OXR1: variants seen among roughly 807,000 people sequenced by gnomAD.
OXR1 encodes oxidation resistance 1.
OXR1 carries 41 observed loss-of-function variants against 104.6 expected under a neutral mutation model. The observed-to-expected ratio is 0.39, with a 90% CI of 0.31 to 0.51. OXR1 has a LOEUF of 0.51. Among genes scored for constraint, OXR1 ranks in the 20% least tolerant of loss-of-function variants. The pLI is 0.77. For missense variants in OXR1, 955 were observed against 1,031.9 expected, an observed-to-expected ratio of 0.93 and a Z score of 1.02; for synonymous variants, 348 against 348.4, an observed-to-expected ratio of 1.00 and a Z score of 0.01.
At chr8:106,398,863 T>C (rs1346589619) in intron 2 of OXR1, among the ~76,000 whole-genome samples, 1 of 152,166 alleles carries the variant, frequency 6.6e-6, no homozygotes, top group African/African-American at 2.4e-5. Context: ...TTCTTTCTGC[T>C]GATAAATCAC....
At chr8:106,667,742 T>C (rs1379148125) in intron 3 of OXR1, among the ~76,000 whole-genome samples, 1 of 152,132 alleles carries the variant, frequency 6.6e-6, no homozygotes, top group African/African-American at 2.4e-5. Context: ...AAGTCATATG[T>C]TGCAAATACT....
chr8:106,281,147 A>G (rs1317530472), intron 1 of OXR1, among the ~76,000 whole-genome samples: 5 of 152,152 alleles, frequency 3.3e-5, no homozygotes, highest in South Asian at 2.1e-4. Context: ...TGCAAGCCAT[A>G]TAGAGCATAG....
chr8:106,484,692 C>G (rs1822341474), intron 2 of OXR1, among the ~76,000 whole-genome samples: 1 of 151,894 alleles, frequency 6.6e-6, no homozygotes, highest in African/African-American at 2.4e-5. Context: ...GGATGTGTGA[C>G]AACAGGAACT....
intron 1 of OXR1, among the ~76,000 whole-genome samples, chr8:106,319,198 G>A (rs1214428125): frequency 6.6e-6 from 1 of 152,114 alleles, no homozygotes; most frequent in Non-Finnish European, 1.5e-5. Context: ...AAGTAATTTC[G>A]GGTTGGTGTC....
intron 3 of OXR1, among the ~76,000 whole-genome samples, chr8:106,659,027 A>G (rs1459013043): frequency 6.6e-6 from 1 of 152,268 alleles, no homozygotes; most frequent in African/African-American, 2.4e-5. Flanking sequence ...TTATGAAAAT[A>G]AATGAGCATT....
chr8:106,290,295 A>C (rs1812692601), intron 1 of OXR1, among the ~76,000 whole-genome samples: 1 of 152,186 alleles, frequency 6.6e-6, no homozygotes, highest in African/African-American at 2.4e-5. Flanking sequence ...AAATACGATA[A>C]TTAACTCAAG....
chr8:106,607,639 G>T (rs1431090706), intron 3 of OXR1, among the ~76,000 whole-genome samples: 1 of 152,074 alleles, frequency 6.6e-6, no homozygotes, highest in Non-Finnish European at 1.5e-5. Context: ...CAGCCCTTCT[G>T]CTTAGCATTA....
chr8:106,389,991 G>A (rs555749148), intron 2 of OXR1, among the ~76,000 whole-genome samples: 17 of 152,122 alleles, frequency 1.1e-4, no homozygotes, highest in South Asian at 4.2e-4. Context: ...GCTTGAACCC[G>A]GGAGGTAGAG....
intron 2 of OXR1, among the ~76,000 whole-genome samples, chr8:106,402,003 C>T (rs371062040): frequency 1.3e-4 from 20 of 152,234 alleles, no homozygotes; most frequent in African/African-American, 2.6e-4. Context: ...TAAAAGCAAA[C>T]GGCTTCTGGT....
chr8:106,484,084 T>C (rs193240146), intron 2 of OXR1, among the ~76,000 whole-genome samples: 94 of 152,126 alleles, frequency 6.2e-4, no homozygotes, highest in Middle Eastern at 3.4e-3. Context: ...CTGAACTTTA[T>C]TAAAATAGAA....
intron 1 of OXR1, among the ~76,000 whole-genome samples, chr8:106,352,508 CAT>C (rs1815771099): frequency 6.6e-6 from 1 of 152,180 alleles, no homozygotes; most frequent in African/African-American, 2.4e-5. Flanking sequence ...GATATTATAT[CAT>C]GTGTATAAGG....
chr8:106,526,667 C>T (rs562460780), intron 3 of OXR1, among the ~76,000 whole-genome samples: 3 of 152,274 alleles, frequency 2.0e-5, no homozygotes, highest in Non-Finnish European at 4.4e-5. Context: ...CTCAGCCTCC[C>T]GAGTAGCTGG....
rs370979421 is a variant in OXR1, at chr8:106,743,614, C to G, written c.2412+1297C>G. On this transcript the variant is annotated intron_variant, in intron 15 of 16. Coordinates refer to ENST00000517566, the MANE Select transcript of OXR1 (RefSeq NM_001198533.2). ...GGGATTACAGGCGTGAGCCACCACG[C>G]CCAACTGAAAAAGGAATGTTTTTAC... Among the ~76,000 whole-genome samples, 13 of 152,262 alleles carry G rather than the reference C, an allele frequency of 8.5e-5. No homozygotes were observed. In the East Asian group the frequency reaches 1.5e-3, roughly 18 times the overall value.
chr8:106,554,141 A>G (rs995560648), intron 3 of OXR1, among the ~76,000 whole-genome samples: 11 of 152,160 alleles, frequency 7.2e-5, no homozygotes, highest in Non-Finnish European at 7.3e-5. Flanking sequence ...TCACCTGGAG[A>G]ATTTGAAAAT....
intron 3 of OXR1, among the ~76,000 whole-genome samples, chr8:106,665,910 G>A (rs1826261980): frequency 6.6e-6 from 1 of 151,786 alleles, no homozygotes; most frequent in African/African-American, 2.4e-5. Flanking sequence ...TGTTGCTTAG[G>A]CAGCCAGGAG....
intron 3 of OXR1, among the ~76,000 whole-genome samples, chr8:106,625,143 G>T (rs1440135951): frequency 2.6e-5 from 4 of 152,078 alleles, no homozygotes; most frequent in African/African-American, 7.2e-5. Context: ...ATACCAAAAG[G>T]TTACATGAAT....
chr8:106,505,878 A>G (rs900957986), intron 2 of OXR1, among the ~76,000 whole-genome samples: 2 of 152,236 alleles, frequency 1.3e-5, no homozygotes, highest in African/African-American at 4.8e-5. Context: ...AAGTCAGAGA[A>G]CAACCCATTT....
chr8:106,580,713 T>C (rs1316533917), intron 3 of OXR1, among the ~76,000 whole-genome samples: 1 of 152,170 alleles, frequency 6.6e-6, no homozygotes, highest in Non-Finnish European at 1.5e-5. Flanking sequence ...AGTTCCAATT[T>C]CTCCACATTC....
At chr8:106,729,469 A>G (rs965952221) in intron 11 of OXR1, among the ~76,000 whole-genome samples, 1 of 152,144 alleles carries the variant, frequency 6.6e-6, no homozygotes, top group Non-Finnish European at 1.5e-5. Flanking sequence ...AAATGGGGAA[A>G]CTAAATGAGG....
Sources: gnomAD v4.1 joint callset for allele counts (sites outside exome capture counted in the v4.1 genomes callset) on GRCh38, gnomAD v4.1.1 for gene constraint, MANE v1.5 for transcripts, NCBI Gene and HGNC (gene_info 2026-07-23, HGNC 2026-07-21) for gene names.